Variants in DGKD observed in about 807,000 individuals in gnomAD.
DGKD encodes the protein DAG kinase delta.
In DGKD, 68 loss-of-function variants were observed where a neutral mutation model predicts 154.4. The ratio of observed to expected loss-of-function variants is 0.44; its 90% confidence interval spans 0.36 to 0.54. DGKD has a LOEUF of 0.54. DGKD is among the 20% of genes least tolerant of loss of function. DGKD has a pLI of 0.00. For synonymous variants in DGKD, 693 were observed against 638.0 expected, an observed-to-expected ratio of 1.09 and a Z score of -1.30; for missense variants, 1,343 against 1,593.6, an observed-to-expected ratio of 0.84 and a Z score of 2.68.
intron 3 of DGKD, among the ~76,000 whole-genome samples, chr2:233,422,412 C>T (rs1355102815): frequency 1.3e-5 from 2 of 152,326 alleles, no homozygotes; most frequent in South Asian, 2.1e-4. Flanking sequence ...AACCGGAGGG[C>T]GTGGTCCATG....
chr2:233,433,230 A>C (rs570780001), intron 3 of DGKD, among the ~76,000 whole-genome samples: 3 of 152,382 alleles, frequency 2.0e-5, no homozygotes, highest in Non-Finnish European at 2.9e-5. Context: ...GAAAATGTAC[A>C]TATACACATG....
At chr2:233,434,530 C>T (rs780030279) in intron 4 of DGKD, 46 bp downstream of exon 4, 6 of 1,563,704 alleles carry the variant, frequency 3.8e-6, no homozygotes, top group Non-Finnish European at 5.3e-6. Flanking sequence ...TGTTGCCTCC[C>T]TCACCCCAGT....
At chr2:233,403,219 C>A (rs1170180002) in intron 3 of DGKD, among the ~76,000 whole-genome samples, 1 of 152,138 alleles carries the variant, frequency 6.6e-6, no homozygotes, top group East Asian at 1.9e-4. Flanking sequence ...TAACTTAGTT[C>A]TTAAAGTGTT....
At chr2:233,367,720 C>T (rs752523591) in intron 1 of DGKD, among the ~76,000 whole-genome samples, 4 of 152,064 alleles carry the variant, frequency 2.6e-5, no homozygotes, top group Admixed American at 6.5e-5. Context: ...TGGGCATATC[C>T]CTAAATATGG....
intron 26 of DGKD, 25 bp downstream of exon 26, chr2:233,462,760 AG>A: frequency 6.2e-7 from 1 of 1,601,252 alleles, no homozygotes; most frequent in Non-Finnish European, 8.5e-7. Flanking sequence ...CAGGGACAGC[AG>A]GGCTCGGGCT....
At position 233,445,541 on chromosome 2, in the gene DGKD, G is replaced by A. The variant is rs1205528357; in HGVS notation, c.1195-82G>A. The A allele has an allele frequency of 1.3e-6, 2 of 1,503,274 alleles. No homozygotes were observed. The highest frequency in any genetic ancestry group is 2.8e-5 in the African/African-American group (2 of 71,100). The allele number at this position is 1,503,274 out of a possible 1,614,324, so 93.1% of individuals were successfully genotyped here. A position where few individuals can be genotyped will look rare whatever the true frequency, so the allele number is the denominator to read the frequency against. On this transcript the variant is annotated intron_variant, in intron 10 of 29. Coordinates refer to ENST00000264057, the MANE Select transcript of DGKD (RefSeq NM_152879.3). This position sits in a 1 kb window ranked among gnomAD's most constrained non-coding sequence, Gnocchi z 5.5. The stretch of plus-strand genomic sequence containing the variant: ...ACATTGCTAACGTAACCCTCACGGT[G>A]GGGGACAAGGAGGGCTGCGGGCTGG...
In DGKD at chr2:233,445,567, G is replaced by C; in HGVS notation, c.1195-56G>C. On this transcript the variant is annotated intron_variant, in intron 10 of 29. Coordinates refer to ENST00000264057, the MANE Select transcript of DGKD (RefSeq NM_152879.3). This position sits in a 1 kb window ranked among gnomAD's most constrained non-coding sequence, Gnocchi z 5.5. ...GGGGACAAGGAGGGCTGCGGGCTGG[G>C]AAGTGGCCCCTGCCCCCAGGTGTTT... 6.5e-7 allele frequency: 1 copy of C among 1,534,426 alleles called. No individual in the cohort carries two copies.
chr2:233,458,252 A>C lies in DGKD; in HGVS notation c.2581-32A>C, dbSNP rs373062115. The C allele has an allele frequency of 1.4e-6, 2 of 1,445,144 alleles. No individual in the cohort carries two copies. Among genetic ancestry groups the C allele is most frequent in the Non-Finnish European group, 1.9e-6 (2 of 1,030,598 alleles). The allele number at this position is 1,445,144 out of a possible 1,614,324, so 89.5% of individuals were successfully genotyped here. On this transcript the variant is annotated intron_variant, in intron 21 of 29. Coordinates refer to ENST00000264057, the MANE Select transcript of DGKD (RefSeq NM_152879.3). The surrounding 1 kb of genome is among the most constrained non-coding windows in gnomAD (Gnocchi z 6.6). ...GCGGCCTGTGCTCGGGGATGTGTGG[A>C]GTGGTGGTCAGCTCTAACGTGTCCC...
At chr2:233,420,659 C>T (rs2062084999) in intron 3 of DGKD, among the ~76,000 whole-genome samples, 1 of 152,238 alleles carries the variant, frequency 6.6e-6, no homozygotes, top group South Asian at 2.1e-4. Context: ...CCTGTGGCTA[C>T]ATCTAGCTTT....
At chr2:233,431,290 G>C (rs547152900) in intron 3 of DGKD, among the ~76,000 whole-genome samples, 1 of 152,172 alleles carries the variant, frequency 6.6e-6, no homozygotes, top group South Asian at 2.1e-4. Context: ...TTTCTACAAT[G>C]AATACTACAA....
At chr2:233,367,012 G>A (rs758402649) in intron 1 of DGKD, among the ~76,000 whole-genome samples, 18 of 152,086 alleles carry the variant, frequency 1.2e-4, no homozygotes, top group Non-Finnish European at 2.1e-4. Flanking sequence ...TTAATATCCA[G>A]ATCATTTTCA....
rs1281863485 is a variant in DGKD, at chr2:233,457,842, T to C, written c.2581-442T>C. On this transcript the variant is annotated intron_variant, in intron 21 of 29. Coordinates refer to ENST00000264057, the MANE Select transcript of DGKD (RefSeq NM_152879.3). The surrounding 1 kb of genome is among the most constrained non-coding windows in gnomAD (Gnocchi z 5.5). ...GGGCTGTGTGAGCTGGGGAAGAAGT[T>C]TGGAATTTGTGTTAAGAACTGTGGG... 9.0e-6 allele frequency: 3 copies of C among 334,120 alleles called. No homozygotes were observed. Among genetic ancestry groups the C allele is most frequent in the East Asian group, 7.5e-5 (1 of 13,246 alleles). The allele number at this position is 334,120 out of a possible 1,614,324, so 20.7% of individuals were successfully genotyped here.
intron 1 of DGKD, among the ~76,000 whole-genome samples, chr2:233,370,570 C>CTTTT (rs56301429): frequency 2.3e-3 from 287 of 123,112 alleles, no homozygotes; most frequent in East Asian, 4.0e-3. Context: ...AGAACTTCTT[C>CTTTT]TTTTTTTTTT....
rs1453651209 is a variant in DGKD at position 233,388,351 on chromosome 2, A to G, written c.251A>G (p.Tyr84Cys). 5.6e-6 allele frequency: 9 copies of G among 1,613,474 alleles called. No individual in the cohort carries two copies. Among genetic ancestry groups the G allele is most frequent in the South Asian group, 2.2e-5 (2 of 90,962 alleles). Residue 84 changes from tyrosine to cysteine, a missense_variant, in exon 2 of 30, where the codon TAT (tyrosine) becomes TGT (cysteine). This residue lies in a region of DGKD where 332 missense variants were observed against 400.1 expected (regional missense o/e 0.83). Transcript: ENST00000264057. Reference protein sequence around the residue: ...YFKLRGRTLYYAKTAKSIIFD... With the variant: ...YFKLRGRTLYCAKTAKSIIFD... ...AAGCTTCGAGGGCGAACGCTTTACTATGCCAAAACGGCAAAGGTGAGGCCC... is the reference window on the plus strand; with the variant it reads ...AAGCTTCGAGGGCGAACGCTTTACTGTGCCAAAACGGCAAAGGTGAGGCCC...
At chr2:233,465,841 T>G (rs537398178) in intron 27 of DGKD, among the ~76,000 whole-genome samples, 23 of 150,138 alleles carry the variant, frequency 1.5e-4, no homozygotes, top group African/African-American at 5.1e-4. Context: ...AGAGCCCTGT[T>G]TTTTTTTCTC....
At position 233,441,746 on chromosome 2, in the gene DGKD, G is replaced by T; in HGVS notation, c.1086-141G>T. The T allele has an allele frequency of 5.7e-6, 4 of 697,440 alleles. No individual in the cohort carries two copies. The South Asian group carries it at 7.4e-5, about 13-fold the overall frequency. The allele number at this position is 697,440 out of a possible 1,614,324, so 43.2% of individuals were successfully genotyped here. A position where few individuals can be genotyped will look rare whatever the true frequency, so the allele number is the denominator to read the frequency against. ...CCTGAGTGGAGGCGGCTGGTGTCACGTGGCAGGGCCTGTGCGTGCTCTGCC... is the reference window on the plus strand; with the variant it reads ...CCTGAGTGGAGGCGGCTGGTGTCACTTGGCAGGGCCTGTGCGTGCTCTGCC... On this transcript the variant is annotated intron_variant, in intron 9 of 29. Transcript: ENST00000264057. The surrounding 1 kb of genome is among the most constrained non-coding windows in gnomAD (Gnocchi z 5.6).
At chr2:233,371,413 AAG>A (rs1251137497) in intron 1 of DGKD, among the ~76,000 whole-genome samples, 1 of 152,062 alleles carries the variant, frequency 6.6e-6, no homozygotes, top group Non-Finnish European at 1.5e-5. Context: ...GTTGAATTGT[AAG>A]AGTTTTTTAT....
At chr2:233,372,568 G>A (rs1702378737) in intron 1 of DGKD, among the ~76,000 whole-genome samples, 1 of 151,330 alleles carries the variant, frequency 6.6e-6, no homozygotes, top group Non-Finnish European at 1.5e-5. Flanking sequence ...GTAGAACCAG[G>A]TTTGTCAAGA....
At chr2:233,421,399 A>G (rs1396286121) in intron 3 of DGKD, among the ~76,000 whole-genome samples, 2 of 152,070 alleles carry the variant, frequency 1.3e-5, no homozygotes, top group Non-Finnish European at 2.9e-5. Context: ...AGCCTCCCAA[A>G]AGGTTTCCTG....
Sources: gnomAD v4.1 joint callset for allele counts (sites outside exome capture counted in the v4.1 genomes callset) on GRCh38, gnomAD v4.1.1 for gene constraint, gnomAD v4.1.1 regional missense constraint, Gnocchi (gnomAD v3.1) non-coding constraint, MANE v1.5 for transcripts, NCBI Gene and HGNC (gene_info 2026-07-23, HGNC 2026-07-21) for gene names.